The following CNTNAP5 variants were observed in gnomAD, a reference collection of about 807,000 sequenced individuals.
CNTNAP5 encodes the protein contactin associated protein family member 5.
In CNTNAP5, 72 loss-of-function variants were observed where a neutral mutation model predicts 150.2. The observed-to-expected ratio is 0.48, with a 90% CI of 0.40 to 0.58. CNTNAP5 has a LOEUF of 0.58. Among genes scored for constraint, CNTNAP5 ranks in the 20% least tolerant of loss-of-function variants. CNTNAP5 has a pLI of 0.00. For missense variants in CNTNAP5, 1,636 were observed against 1,626.2 expected, an observed-to-expected ratio of 1.01 and a Z score of -0.10; for synonymous variants, 672 against 619.8, an observed-to-expected ratio of 1.08 and a Z score of -1.25.
intron 1 of CNTNAP5, among the ~76,000 whole-genome samples, chr2:124,140,304 G>C (rs1395071945): frequency 5.9e-5 from 9 of 151,922 alleles, no homozygotes; most frequent in South Asian, 2.1e-4. Flanking sequence ...AAGGAGGCCT[G>C]CCTGCCTCTG....
chr2:124,803,202 T>A (rs960580567), intron 19 of CNTNAP5, among the ~76,000 whole-genome samples: 1 of 151,416 alleles, frequency 6.6e-6, no homozygotes, highest in African/African-American at 2.4e-5. Flanking sequence ...CTGTTCTAGG[T>A]AGAATGAGTT....
intron 17 of CNTNAP5, among the ~76,000 whole-genome samples, chr2:124,776,560 T>C (rs1045096875): frequency 1.3e-5 from 2 of 152,178 alleles, no homozygotes; most frequent in Middle Eastern, 3.2e-3. Context: ...AACTCTTGAT[T>C]TGTGGCATAA....
intron 12 of CNTNAP5, among the ~76,000 whole-genome samples, chr2:124,641,709 TG>T (rs1678098098): frequency 6.6e-6 from 1 of 152,210 alleles, no homozygotes. Context: ...ATTGGCACAC[TG>T]TTCAAAGGAT....
intron 3 of CNTNAP5, among the ~76,000 whole-genome samples, chr2:124,408,126 G>C (rs889576819): frequency 5.9e-5 from 9 of 152,328 alleles, no homozygotes; most frequent in Admixed American, 1.3e-4. Context: ...GGTGACGGAA[G>C]GCACCTGGAA....
intron 3 of CNTNAP5, among the ~76,000 whole-genome samples, chr2:124,319,537 T>C (rs988447505): frequency 1.3e-5 from 2 of 152,230 alleles, no homozygotes; most frequent in African/African-American, 4.8e-5. Flanking sequence ...ATTTTGATCA[T>C]GTGTTTGGTG....
At chr2:124,236,733 C>G (rs548598865) in intron 2 of CNTNAP5, among the ~76,000 whole-genome samples, 6 of 152,138 alleles carry the variant, frequency 3.9e-5, no homozygotes, top group African/African-American at 1.2e-4. Flanking sequence ...TTTCATAGGG[C>G]CTTCTGGAAG....
At chr2:124,135,524 A>G (rs945149201) in intron 1 of CNTNAP5, among the ~76,000 whole-genome samples, 1 of 152,236 alleles carries the variant, frequency 6.6e-6, no homozygotes, top group African/African-American at 2.4e-5. Flanking sequence ...AAAATTAGAA[A>G]AGGAACAGGC....
At chr2:124,146,898 C>CTTCTTAGGAG in intron 1 of CNTNAP5, among the ~76,000 whole-genome samples, 2 of 152,264 alleles carry the variant, frequency 1.3e-5, no homozygotes, top group Admixed American at 1.3e-4. Flanking sequence ...GCCAGACACT[C>CTTCTTAGGAG]TTCTTAGGAG....
intron 10 of CNTNAP5, among the ~76,000 whole-genome samples, chr2:124,559,657 G>A (rs925642584): frequency 6.6e-6 from 1 of 152,170 alleles, no homozygotes; most frequent in African/African-American, 2.4e-5. Context: ...GTTCTATGAT[G>A]GGTCTTTTTC....
At chr2:124,254,264 G>A (rs1033909877) in intron 3 of CNTNAP5, among the ~76,000 whole-genome samples, 1 of 152,146 alleles carries the variant, frequency 6.6e-6, no homozygotes, top group Admixed American at 6.6e-5. Flanking sequence ...TCAAATGTAA[G>A]AAAATATTCC....
chr2:124,625,353 G>A (rs1433002017), intron 12 of CNTNAP5, among the ~76,000 whole-genome samples: 1 of 152,036 alleles, frequency 6.6e-6, no homozygotes, highest in African/African-American at 2.4e-5. Context: ...GTTTTCTAAA[G>A]CATGAGCTGG....
chr2:124,518,185 C>G (rs905386649), intron 8 of CNTNAP5, among the ~76,000 whole-genome samples: 16 of 152,148 alleles, frequency 1.1e-4, no homozygotes, highest in African/African-American at 3.4e-4. Flanking sequence ...TATCTCTTAA[C>G]TGTTCTGAGT....
intron 1 of CNTNAP5, among the ~76,000 whole-genome samples, chr2:124,193,542 T>G (rs1389718994): frequency 1.3e-5 from 2 of 152,108 alleles, no homozygotes; most frequent in Non-Finnish European, 2.9e-5. Context: ...AAAATGGAAT[T>G]TTACTCAGCA....
At chr2:124,570,668 T>G (rs1042306458) in intron 11 of CNTNAP5, among the ~76,000 whole-genome samples, 11 of 152,002 alleles carry the variant, frequency 7.2e-5, no homozygotes, top group African/African-American at 2.7e-4. Flanking sequence ...ATGGAAGGTG[T>G]GGGTACTAGG....
intron 3 of CNTNAP5, among the ~76,000 whole-genome samples, chr2:124,261,615 C>T (rs774827597): frequency 9.9e-5 from 15 of 152,126 alleles, no homozygotes; most frequent in Non-Finnish European, 1.9e-4. Context: ...GCAGTGGGAG[C>T]CCTCCTCCTC....
chr2:124,573,988 C>T (rs1300358147), intron 11 of CNTNAP5, among the ~76,000 whole-genome samples: 1 of 152,102 alleles, frequency 6.6e-6, no homozygotes, highest in East Asian at 1.9e-4. Context: ...AAAGTTATTG[C>T]CATAAAAGTT....
intron 19 of CNTNAP5, among the ~76,000 whole-genome samples, chr2:124,857,075 G>A (rs1030992934): frequency 6.6e-6 from 1 of 152,102 alleles, no homozygotes; most frequent in African/African-American, 2.4e-5. Context: ...GGTTTCCACT[G>A]TATTCCTTGG....
intron 1 of CNTNAP5, among the ~76,000 whole-genome samples, chr2:124,049,775 A>G (rs550588838): frequency 6.6e-6 from 1 of 152,344 alleles, no homozygotes; most frequent in East Asian, 1.9e-4. Context: ...TGATTTATAT[A>G]CAACAGAAAT....
intron 3 of CNTNAP5, among the ~76,000 whole-genome samples, chr2:124,307,950 C>T (rs1428184224): frequency 2.0e-5 from 3 of 152,104 alleles, no homozygotes; most frequent in South Asian, 2.1e-4. Context: ...ACAAAGCTGG[C>T]GGGTCATTCA....
Sources: gnomAD v4.1 joint callset for allele counts (sites outside exome capture counted in the v4.1 genomes callset) on GRCh38, gnomAD v4.1.1 for gene constraint, MANE v1.5 for transcripts, NCBI Gene and HGNC (gene_info 2026-07-23, HGNC 2026-07-21) for gene names.